The following ARID5B variants were observed in gnomAD, a reference collection of about 807,000 sequenced individuals.
ARID5B encodes AT-rich interactive domain-containing protein 5B.
Under a neutral mutation model 97.2 loss-of-function variants are expected in ARID5B, and 13 were observed. That is an observed-to-expected ratio of 0.13 (90% CI 0.09 to 0.21). The LOEUF (loss-of-function observed/expected upper bound fraction) is 0.21. Among genes scored for constraint, ARID5B ranks in the 10% least tolerant of loss-of-function variants. ARID5B has a pLI of 1.00. For synonymous variants in ARID5B, 556 were observed against 570.3 expected (o/e 0.97, Z 0.36); for missense variants, 1,210 against 1,465.3 (o/e 0.83, Z 2.84).
intron 4 of ARID5B, among the ~76,000 whole-genome samples, chr10:62,034,122 G>T (rs1839531388): frequency 2.0e-5 from 3 of 152,202 alleles, no homozygotes; most frequent in Non-Finnish European, 4.4e-5. Flanking sequence ...TTCTGGTGAA[G>T]ATAATCAGAC....
intron 2 of ARID5B, among the ~76,000 whole-genome samples, chr10:61,921,508 C>T (rs868641212): frequency 6.6e-6 from 1 of 152,334 alleles, no homozygotes. Flanking sequence ...CTCCATAGGG[C>T]AACTCAAACA....
intron 4 of ARID5B, among the ~76,000 whole-genome samples, chr10:62,010,213 A>G (rs1172040708): frequency 1.3e-5 from 2 of 152,312 alleles, no homozygotes; most frequent in East Asian, 1.9e-4. Flanking sequence ...CAGCAGTGGT[A>G]AAGGAGTGAG....
At chr10:62,043,795 C>T (rs1284684476) in intron 4 of ARID5B, among the ~76,000 whole-genome samples, 1 of 152,192 alleles carries the variant, frequency 6.6e-6, no homozygotes, top group Non-Finnish European at 1.5e-5. Flanking sequence ...ATTACTCCAG[C>T]ATTCACAAGT....
intron 4 of ARID5B, among the ~76,000 whole-genome samples, chr10:62,029,730 A>T (rs142378073): frequency 0.017 from 2,555 of 152,332 alleles, 28 homozygotes; most frequent in Non-Finnish European, 0.025. Flanking sequence ...GAGGGAGATC[A>T]CCTCGTAACA....
At chr10:61,991,065 C>CACAT (rs1838917971) in intron 3 of ARID5B, among the ~76,000 whole-genome samples, 1 of 151,804 alleles carries the variant, frequency 6.6e-6, no homozygotes, top group Non-Finnish European at 1.5e-5. Flanking sequence ...CACACACACA[C>CACAT]ACACACACCA....
chr10:62,016,509 A>T (rs1028065235), intron 4 of ARID5B, among the ~76,000 whole-genome samples: 1 of 152,254 alleles, frequency 6.6e-6, no homozygotes, highest in African/African-American at 2.4e-5. Flanking sequence ...TACAATTGAA[A>T]TTTAATACTT....
Position 62,050,985 on chromosome 10 carries a change from C to T in ARID5B, c.831C>T (p.Gly277=). 6.2e-7 allele frequency: 1 copy of T among 1,613,886 alleles called. No individual in the cohort carries two copies. The highest frequency in any genetic ancestry group is 8.5e-7 in the Non-Finnish European group (1 of 1,179,738). ...AGGATTCCAACAACAATTCCGATGG[C>T]AAAGCCGTTGCCAAGGTACGGTCAT... ...GVKDSNNNSD[G]KAVAKVKCEA... The change falls in exon 5 of 10, where the codon GGC becomes GGT. Residue 277 remains glycine (G), a synonymous_variant. Transcript: ENST00000279873.
At chr10:62,082,001 T>C (rs1293557398) in intron 8 of ARID5B, among the ~76,000 whole-genome samples, 1 of 152,034 alleles carries the variant, frequency 6.6e-6, no homozygotes, top group East Asian at 1.9e-4. Context: ...TTTAAGTCTT[T>C]TTTTTTTTAA....
At chr10:62,067,788 C>A (rs1840013269) in intron 7 of ARID5B, among the ~76,000 whole-genome samples, 1 of 152,244 alleles carries the variant, frequency 6.6e-6, no homozygotes, top group Admixed American at 6.5e-5. Flanking sequence ...AATCTCCCTT[C>A]TTCTGTGAAT....
At chr10:61,933,634 G>A (rs75533143) in intron 2 of ARID5B, among the ~76,000 whole-genome samples, 2,977 of 152,310 alleles carry the variant, frequency 0.02, 93 homozygotes, top group African/African-American at 0.068. Flanking sequence ...AACCTTGGAT[G>A]TCAATAAGCA....
intron 9 of ARID5B, 102 bp from the exon 10 acceptor site, chr10:62,090,760 C>G (rs915140382): frequency 1.4e-6 from 2 of 1,405,672 alleles, no homozygotes; most frequent in South Asian, 1.5e-5. Context: ...GATTGACAAG[C>G]CTGTTTTCAA....
intron 4 of ARID5B, among the ~76,000 whole-genome samples, chr10:62,017,103 A>G (rs1047874747): frequency 2.0e-5 from 3 of 152,250 alleles, no homozygotes; most frequent in Admixed American, 1.3e-4. Context: ...CATAAACAGT[A>G]TGTGCCTCGT....
At chr10:61,920,930 T>C (rs1564601994) in intron 2 of ARID5B, among the ~76,000 whole-genome samples, 1 of 152,188 alleles carries the variant, frequency 6.6e-6, no homozygotes, top group Admixed American at 6.5e-5. Context: ...CATTGTTAGA[T>C]AGTATTCTTA....
chr10:62,003,165 G>A lies in ARID5B; in HGVS notation c.733+2844G>A, dbSNP rs557783123. 5.9e-5 allele frequency among the ~76,000 whole-genome samples: 9 copies of A among 152,230 alleles called. No individual in the cohort carries two copies. The South Asian group carries it at 1.9e-3, about 32-fold the overall frequency. ...GATTATGGAGTAGGGGGTGGGAGGA[G>A]GTGTTCAAAAGGTAAATAAAACTTG... On this transcript the variant is annotated intron_variant, in intron 4 of 9. Coordinates refer to ENST00000279873, the MANE Select transcript of ARID5B (RefSeq NM_032199.3).
rs114064007 is a variant in ARID5B, at chr10:61,999,783, T to C, written c.503-308T>C. Among the ~76,000 whole-genome samples the C allele has an allele frequency of 6.6e-3, 1,009 of 152,304 alleles. 12 individuals carry two copies. The highest frequency in any genetic ancestry group is 0.051 in the Middle Eastern group (15 of 294). Reference sequence around the variant, plus strand: ...ACTTTAATGCTTCAAAAAATGAAGATTCTTTCAAAACAGTTTTTGGGTCCT... The same window carrying C: ...ACTTTAATGCTTCAAAAAATGAAGACTCTTTCAAAACAGTTTTTGGGTCCT... On this transcript the variant is annotated intron_variant, in intron 3 of 9. Coordinates refer to ENST00000279873, the MANE Select transcript of ARID5B (RefSeq NM_032199.3).
At chr10:62,053,895 C>T (rs533529600) in intron 5 of ARID5B, among the ~76,000 whole-genome samples, 56 of 152,254 alleles carry the variant, frequency 3.7e-4, no homozygotes, top group African/African-American at 1.3e-3. Context: ...ATCATTTTTG[C>T]TTTACTAAGG....
At chr10:61,940,719 A>G (rs911587921) in intron 3 of ARID5B, among the ~76,000 whole-genome samples, 3 of 151,554 alleles carry the variant, frequency 2.0e-5, no homozygotes, top group Admixed American at 6.6e-5. Context: ...TGAAGAGTTT[A>G]AATACTTGCT....
At chr10:62,034,633 T>C (rs1040479075) in intron 4 of ARID5B, among the ~76,000 whole-genome samples, 1 of 152,242 alleles carries the variant, frequency 6.6e-6, no homozygotes, top group Non-Finnish European at 1.5e-5. Context: ...TTTCCTACCT[T>C]GATTTGCCTT....
intron 3 of ARID5B, among the ~76,000 whole-genome samples, chr10:61,959,215 G>T (rs1298090854): frequency 6.6e-6 from 1 of 152,222 alleles, no homozygotes; most frequent in African/African-American, 2.4e-5. Context: ...AATGGGGCTA[G>T]TGTGGTTAAT....
Sources: allele counts gnomAD v4.1 joint callset (sites outside exome capture counted in the v4.1 genomes callset), GRCh38; gene constraint gnomAD v4.1.1; transcripts MANE v1.5; gene names NCBI Gene and HGNC (gene_info 2026-07-23, HGNC 2026-07-21).